The following NCKAP5 variants were observed in gnomAD, a reference collection of about 807,000 sequenced individuals.
The protein encoded by NCKAP5 is NCK associated protein 5.
Under a neutral mutation model 167.0 loss-of-function variants are expected in NCKAP5, and 92 were observed. That is an observed-to-expected ratio of 0.55 (90% CI 0.47 to 0.66). NCKAP5 has a LOEUF of 0.66. Ranked by LOEUF, NCKAP5 falls within the 30% of genes least tolerant of loss-of-function variation. The probability of loss-of-function intolerance (pLI) is 0.00; values close to 1 mark genes in which losing one functional copy is unlikely to be tolerated. For synonymous variants in NCKAP5, 891 were observed against 877.4 expected (o/e 1.02, Z -0.27); for missense variants, 2,378 against 2,315.0 (o/e 1.03, Z -0.56).
intron 8 of NCKAP5, among the ~76,000 whole-genome samples, chr2:132,899,057 G>C (rs72850152): frequency 8.5e-5 from 13 of 152,290 alleles, no homozygotes; most frequent in Non-Finnish European, 1.6e-4. Flanking sequence ...TCCAATATAA[G>C]ATTGACCCCT....
intron 3 of NCKAP5, among the ~76,000 whole-genome samples, chr2:133,348,315 C>A (rs1447356475): frequency 6.6e-6 from 1 of 152,150 alleles, no homozygotes; most frequent in Non-Finnish European, 1.5e-5. Context: ...CAGAATATAA[C>A]CACTTAATAA....
intron 3 of NCKAP5, among the ~76,000 whole-genome samples, chr2:133,306,897 C>T (rs1680817163): frequency 6.6e-6 from 1 of 152,300 alleles, no homozygotes; most frequent in East Asian, 1.9e-4. Flanking sequence ...CAGTATAAGT[C>T]AATTAGTGTA....
chr2:132,703,096 G>A (rs772681466), intron 19 of NCKAP5, among the ~76,000 whole-genome samples: 2 of 151,996 alleles, frequency 1.3e-5, no homozygotes, highest in Admixed American at 1.3e-4. Flanking sequence ...TGGGAGGATC[G>A]CTTGAGCCCA....
chr2:132,972,128 G>T (rs2076853073), intron 7 of NCKAP5, among the ~76,000 whole-genome samples: 1 of 152,124 alleles, frequency 6.6e-6, no homozygotes, highest in Non-Finnish European at 1.5e-5. Flanking sequence ...TGGAACAGTA[G>T]GTGTAACCAA....
At chr2:133,016,405 T>C (rs188450071) in intron 6 of NCKAP5, among the ~76,000 whole-genome samples, 37 of 152,330 alleles carry the variant, frequency 2.4e-4, no homozygotes, top group Admixed American at 5.2e-4. Flanking sequence ...GCTCTTTAGC[T>C]GAACAGATGG....
At chr2:132,819,425 A>G (rs992573291) in intron 11 of NCKAP5, among the ~76,000 whole-genome samples, 2 of 152,234 alleles carry the variant, frequency 1.3e-5, no homozygotes, top group Non-Finnish European at 2.9e-5. Flanking sequence ...CCCTGTGGTG[A>G]GCTCAAGAGA....
intron 6 of NCKAP5, among the ~76,000 whole-genome samples, chr2:133,044,638 C>A (rs376297922): frequency 1.3e-5 from 2 of 152,106 alleles, no homozygotes; most frequent in African/African-American, 2.4e-5. Flanking sequence ...GAGTATAAAT[C>A]GGTGCAACCA....
intron 6 of NCKAP5, among the ~76,000 whole-genome samples, chr2:133,071,792 G>T (rs1328381133): frequency 6.6e-6 from 1 of 152,140 alleles, no homozygotes; most frequent in Non-Finnish European, 1.5e-5. Flanking sequence ...GGGAGAGGAA[G>T]GCAGAGAATT....
chr2:132,958,421 A>C (rs2076406387), intron 8 of NCKAP5, among the ~76,000 whole-genome samples: 1 of 152,174 alleles, frequency 6.6e-6, no homozygotes, highest in Non-Finnish European at 1.5e-5. Context: ...CCTATGTCCC[A>C]CTATTAGCCC....
chr2:133,162,528 G>GAGAGAAAAAAAATCAGCATAATCT (rs2083836192), intron 5 of NCKAP5, among the ~76,000 whole-genome samples: 1 of 152,106 alleles, frequency 6.6e-6, no homozygotes. Flanking sequence ...GTGTTACTAT[G>GAGAGAAAAAAAATCAGCATAATCT]AGAGAAAAAA....
chr2:133,604,957 T>G, the NCKAP5 span, among the ~76,000 whole-genome samples: 1 of 152,338 alleles, frequency 6.6e-6, no homozygotes, highest in South Asian at 2.1e-4. Context: ...CAAGACACAG[T>G]GATGAGAAGG....
intron 6 of NCKAP5, among the ~76,000 whole-genome samples, chr2:133,025,994 G>A (rs1017842296): frequency 1.3e-5 from 2 of 152,024 alleles, no homozygotes; most frequent in East Asian, 1.9e-4. Flanking sequence ...TCCTCCGACA[G>A]GCCCCAAGCC....
chr2:133,096,351 T>C (rs932006011), intron 6 of NCKAP5, among the ~76,000 whole-genome samples: 2 of 151,718 alleles, frequency 1.3e-5, no homozygotes, highest in African/African-American at 2.4e-5. Context: ...ATTAGACAGA[T>C]GTGGTGGTGC....
the NCKAP5 span, among the ~76,000 whole-genome samples, chr2:133,595,164 G>C: frequency 2.0e-5 from 3 of 152,170 alleles, no homozygotes; most frequent in African/African-American, 7.2e-5. Context: ...GCTAAGTAAG[G>C]TCAAGAACAA....
chr2:133,291,676 T>C (rs1679612204), intron 4 of NCKAP5, among the ~76,000 whole-genome samples: 1 of 152,210 alleles, frequency 6.6e-6, no homozygotes, highest in Admixed American at 6.5e-5. Context: ...GTAAGCCAGG[T>C]ACCCCTGAGG....
rs545907312 is a variant in NCKAP5, at chr2:133,152,288, T to C, written c.208-22177A>G. On this transcript the variant is annotated intron_variant, in intron 5 of 19. Transcript: ENST00000409261. ...CAGAGGAATGTGAGCTTTACTTTAC[T>C]TTGCCACAGTTTTCCCCCCTTTGGA... is the stretch of plus-strand genomic sequence containing the variant. Among the ~76,000 whole-genome samples the C allele has an allele frequency of 3.3e-5, 5 of 152,322 alleles. No individual in the cohort carries two copies. In the South Asian group the frequency reaches 6.2e-4, roughly 19 times the overall value.
At chr2:132,974,644 G>A (rs188300556) in intron 7 of NCKAP5, among the ~76,000 whole-genome samples, 7 of 152,284 alleles carry the variant, frequency 4.6e-5, no homozygotes, top group Admixed American at 4.6e-4. Context: ...TGACATGCAT[G>A]TACAGATCTA....
At chr2:132,955,432 G>C (rs1489127493) in intron 8 of NCKAP5, among the ~76,000 whole-genome samples, 2 of 152,170 alleles carry the variant, frequency 1.3e-5, no homozygotes, top group African/African-American at 4.8e-5. Context: ...GCGCAGAAAG[G>C]TTAGATTACA....
chr2:132,721,580 C>T lies in NCKAP5; in HGVS notation c.5713+4047G>A, dbSNP rs115427622. The stretch of plus-strand genomic sequence containing the variant: ...AAATCTCCACCAGACACTCAAGGCA[C>T]GTCCTCCTGTTATTGTCTTTCTCCT... On this transcript the variant is annotated intron_variant, in intron 19 of 19. Transcript: ENST00000409261. 5.9e-3 allele frequency among the ~76,000 whole-genome samples: 899 copies of T among 152,288 alleles called. 10 individuals carry two copies. Among genetic ancestry groups the T allele is most frequent in the African/African-American group, 0.021 (861 of 41,562 alleles).
Sources: allele counts gnomAD v4.1 joint callset (sites outside exome capture counted in the v4.1 genomes callset), GRCh38; gene constraint gnomAD v4.1.1; transcripts MANE v1.5; gene names NCBI Gene and HGNC (gene_info 2026-07-23, HGNC 2026-07-21).